ZBTB40: variants seen among roughly 807,000 people sequenced by gnomAD.
ZBTB40 encodes zinc finger and BTB domain-containing protein 40.
A neutral mutation model predicts 117.5 loss-of-function variants in ZBTB40; 60 were observed. That is an observed-to-expected ratio of 0.51 (90% CI 0.41 to 0.63). ZBTB40 has a LOEUF of 0.63. Among genes scored for constraint, ZBTB40 ranks in the 30% least tolerant of loss-of-function variants. The probability of loss-of-function intolerance (pLI) is 0.00; values close to 1 mark genes in which losing one functional copy is unlikely to be tolerated. For synonymous variants in ZBTB40, 525 were observed against 577.1 expected, an observed-to-expected ratio of 0.91 and a Z score of 1.29; for missense variants, 1,287 against 1,498.5, an observed-to-expected ratio of 0.86 and a Z score of 2.33.
intron 1 of ZBTB40, among the ~76,000 whole-genome samples, chr1:22,471,602 C>A (rs940393720): frequency 2.0e-5 from 3 of 152,178 alleles, no homozygotes; most frequent in African/African-American, 7.2e-5. Context: ...ACATTATTAC[C>A]ATGATAGAGC....
chr1:22,444,739 AAGG>A (rs1341850041), intron 1 of ZBTB40, among the ~76,000 whole-genome samples: 7 of 152,200 alleles, frequency 4.6e-5, no homozygotes, highest in Admixed American at 3.9e-4. Flanking sequence ...GGAAGAATGA[AAGG>A]AGAAGAAACA....
chr1:22,471,067 T>C (rs958406359), intron 1 of ZBTB40, among the ~76,000 whole-genome samples: 12 of 152,258 alleles, frequency 7.9e-5, no homozygotes, highest in Non-Finnish European at 1.3e-4. Flanking sequence ...CTATCCAACC[T>C]CCTCAAGTCC....
At chr1:22,494,884 C>T (rs968667274) in intron 3 of ZBTB40, among the ~76,000 whole-genome samples, 4 of 152,204 alleles carry the variant, frequency 2.6e-5, no homozygotes, top group Non-Finnish European at 5.9e-5. Context: ...TTACAGATTT[C>T]ACCATAAGGC....
At chr1:22,483,186 A>AG (rs1165802237) in intron 1 of ZBTB40, among the ~76,000 whole-genome samples, 1 of 152,022 alleles carries the variant, frequency 6.6e-6, no homozygotes, top group Non-Finnish European at 1.5e-5. Flanking sequence ...GATGTACCAC[A>AG]GTTTATTCAT....
intron 1 of ZBTB40, among the ~76,000 whole-genome samples, chr1:22,473,407 CA>C (rs1641460459): frequency 6.6e-6 from 1 of 152,174 alleles, no homozygotes; most frequent in South Asian, 2.1e-4. Flanking sequence ...ACTTCACTAT[CA>C]GGGGCTTATT....
chr1:22,517,937 TCA>T (rs1639419275), intron 13 of ZBTB40, among the ~76,000 whole-genome samples: 1 of 152,250 alleles, frequency 6.6e-6, no homozygotes, highest in South Asian at 2.1e-4. Context: ...CCATTGTATT[TCA>T]CACAGTTAGT....
At chr1:22,517,260 T>C in intron 12 of ZBTB40, 40 bp from the exon 13 acceptor site, 2 of 1,612,278 alleles carry the variant, frequency 1.2e-6, no homozygotes, top group Non-Finnish European at 1.7e-6. Context: ...ATGCCATAAA[T>C]TTTTAGTGCT....
At position 22,526,223 on chromosome 1, in the gene ZBTB40, G is replaced by A. The variant is rs1639672149; in HGVS notation, c.3547G>A (p.Val1183Met). 5.0e-6 allele frequency: 8 copies of A among 1,614,034 alleles called. No homozygotes were observed. Among genetic ancestry groups the A allele is most frequent in the South Asian group, 3.3e-5 (3 of 91,080 alleles). ...TCAGGTGATCCAAACCCCAGAGCCG[G>A]TGGCCCCGACAGAGCAGGTGATCAC... Reference protein sequence around the residue: ...MAQVIQTPEPVAPTEQVITLE... With the variant: ...MAQVIQTPEPMAPTEQVITLE... The change falls in exon 18 of 18, where the codon GTG (valine) becomes ATG (methionine). Residue 1183 changes from valine (V) to methionine (M), a missense_variant. By Grantham distance (21) the Val-to-Met change is conservative. Coordinates refer to ENST00000375647, the MANE Select transcript of ZBTB40 (RefSeq NM_014870.4).
chr1:22,431,736 C>CA (rs60274075), intron 1 of ZBTB40, among the ~76,000 whole-genome samples: 102,094 of 148,346 alleles, frequency 0.69, 38,326 homozygotes, highest in East Asian at 0.92. Flanking sequence ...AATGCCATCT[C>CA]AAAAAAAAAA....
At chr1:22,501,739 A>G (rs1638944100) in intron 4 of ZBTB40, 55 bp downstream of exon 4, 1 of 1,570,758 alleles carries the variant, frequency 6.4e-7, no homozygotes, top group Admixed American at 1.8e-5. Context: ...GGATGATGCT[A>G]TGAAGTTTGT....
rs1011506373 is a variant in ZBTB40 at position 22,530,573 on chromosome 1, G to A, written c.*4177G>A. ...TCCTTTACCAAGGCCAGTCATCCCT[G>A]CTTCCACCCATGGTCAGGACAGTCA... is the stretch of plus-strand genomic sequence containing the variant. On this transcript the variant is annotated 3_prime_UTR_variant, in exon 18 of 18. Transcript: ENST00000375647. The A allele has an allele frequency of 6.6e-6, 1 of 152,308 alleles. No individual in the cohort carries two copies. Among genetic ancestry groups the A allele is most frequent in the African/African-American group, 2.4e-5 (1 of 41,444 alleles). 9.4% of individuals were successfully genotyped at this position (152,308 alleles called of 1,614,324 possible).
rs779479789 is a variant in ZBTB40 at position 22,490,180 on chromosome 1, A to T, written c.232A>T (p.Met78Leu). ...GGAGTTTGCGCTCTTGTTGGAAATGATGTACACGGGCAAACTACCTGTGGG... is the reference window on the plus strand; with the variant it reads ...GGAGTTTGCGCTCTTGTTGGAAATGTTGTACACGGGCAAACTACCTGTGGG... ...PEEFALLLEM[M>L]YTGKLPVGKH... Residue 78 changes from methionine to leucine, a missense_variant, in exon 2 of 18, where the codon ATG (methionine) becomes TTG (leucine). This residue lies in a region of ZBTB40 where 870 missense variants were observed against 934.4 expected (regional missense o/e 0.93). Coordinates refer to ENST00000375647, the MANE Select transcript of ZBTB40 (RefSeq NM_014870.4). 1.9e-6 allele frequency: 3 copies of T among 1,614,162 alleles called. No homozygotes were observed. Among genetic ancestry groups the T allele is most frequent in the Non-Finnish European group, 2.5e-6 (3 of 1,180,020 alleles).
chr1:22,508,817 G>A (rs148465864), intron 8 of ZBTB40, 86 bp downstream of exon 8: 63 of 1,380,056 alleles, frequency 4.6e-5, no homozygotes, highest in African/African-American at 2.6e-4. Context: ...CTCTCTTAAC[G>A]GTAGTCACCT....
chr1:22,487,379 G>A (rs555662475), intron 1 of ZBTB40, among the ~76,000 whole-genome samples: 11 of 152,030 alleles, frequency 7.2e-5, no homozygotes, highest in African/African-American at 1.7e-4. Context: ...TTTTCTTAGC[G>A]TACTTTTTTC....
At chr1:22,467,914 G>A (rs1441865719) in intron 1 of ZBTB40, among the ~76,000 whole-genome samples, 1 of 151,676 alleles carries the variant, frequency 6.6e-6, no homozygotes, top group African/African-American at 2.4e-5. Flanking sequence ...GGCAACATAG[G>A]GAGACCCTGT....
At chr1:22,518,279 C>A (rs960154707) in intron 13 of ZBTB40, among the ~76,000 whole-genome samples, 1 of 152,100 alleles carries the variant, frequency 6.6e-6, no homozygotes, top group Non-Finnish European at 1.5e-5. Flanking sequence ...TTTCTTGAGG[C>A]CTTAAACAAA....
intron 14 of ZBTB40, among the ~76,000 whole-genome samples, chr1:22,520,918 C>T (rs994285092): frequency 5.9e-5 from 9 of 152,242 alleles, no homozygotes; most frequent in African/African-American, 1.7e-4. Flanking sequence ...CGTTCCAGAA[C>T]GGAGACCTGG....
chr1:22,449,397 C>T (rs1640829121), upstream of ZBTB40, among the ~76,000 whole-genome samples: 1 of 152,202 alleles, frequency 6.6e-6, no homozygotes, highest in Admixed American at 6.5e-5. Flanking sequence ...CTTACAAGGT[C>T]TAGAAGGTCT....
At position 22,531,111 on chromosome 1, in the gene ZBTB40, A is replaced by G. The variant is rs1639816296; in HGVS notation, c.*4715A>G. ...AAAGTCTGGATTTAATGTATTTAAT[A>G]TAGAAAATTTTAGCTTTTATTAATA... On this transcript the variant is annotated 3_prime_UTR_variant, in exon 18 of 18. Coordinates refer to ENST00000375647, the MANE Select transcript of ZBTB40 (RefSeq NM_014870.4). The G allele has an allele frequency of 6.6e-6, 1 of 152,364 alleles. No individual in the cohort carries two copies. Among genetic ancestry groups the G allele is most frequent in the South Asian group, 2.1e-4 (1 of 4,832 alleles). The allele number at this position is 152,364 out of a possible 1,614,324, so 9.4% of individuals were successfully genotyped here.
Sources: gnomAD v4.1 joint callset for allele counts (sites outside exome capture counted in the v4.1 genomes callset) on GRCh38, gnomAD v4.1.1 for gene constraint, gnomAD v4.1.1 regional missense constraint, MANE v1.5 for transcripts, NCBI Gene and HGNC (gene_info 2026-07-23, HGNC 2026-07-21) for gene names.